The following MBNL2 variants were observed in gnomAD, a reference collection of about 807,000 sequenced individuals.
The protein encoded by MBNL2 is muscleblind like splicing regulator 2.
In MBNL2, 17 loss-of-function variants were observed where a neutral mutation model predicts 41.9. The observed-to-expected ratio is 0.41, with a 90% CI of 0.28 to 0.61. MBNL2 has a LOEUF of 0.61. Among genes scored for constraint, MBNL2 ranks in the 20% least tolerant of loss-of-function variants. MBNL2 has a pLI of 0.35. For synonymous variants in MBNL2, 195 were observed against 182.9 expected (o/e 1.07, Z -0.53); for missense variants, 336 against 505.6 (o/e 0.66, Z 3.22).
chr13:97,314,351 C>A (rs1002036202), intron 2 of MBNL2, among the ~76,000 whole-genome samples: 2 of 152,244 alleles, frequency 1.3e-5, no homozygotes, highest in East Asian at 1.9e-4. Flanking sequence ...TGCACACACA[C>A]TTCCTGTCTC....
chr13:97,331,145 C>T (rs532621817), intron 2 of MBNL2, among the ~76,000 whole-genome samples: 1 of 152,314 alleles, frequency 6.6e-6, no homozygotes, highest in East Asian at 1.9e-4. Context: ...AATGAAATAT[C>T]ATATAGAAAC....
chr13:97,342,982 T>C lies in MBNL2; in HGVS notation c.340-34T>C, dbSNP rs770939396. ...TAATTTTTTAAAGTTTTATTCTAAA[T>C]AACTCTTTCTCCTGTGTTGTCTTCC... On this transcript the variant is annotated intron_variant, in intron 3 of 8. Coordinates refer to ENST00000679496, the MANE Select transcript of MBNL2 (RefSeq NM_001382683.1). 5.2e-6 allele frequency: 7 copies of C among 1,351,970 alleles called. No homozygotes were observed. In the South Asian group the frequency reaches 8.4e-5, roughly 16 times the overall value. The allele number at this position is 1,351,970 out of a possible 1,614,324, so 83.7% of individuals were successfully genotyped here.
the MBNL2 span, among the ~76,000 whole-genome samples, chr13:97,176,381 G>A: frequency 2.0e-5 from 3 of 152,156 alleles, no homozygotes; most frequent in African/African-American, 7.2e-5. Context: ...GGTCCCAGGG[G>A]TTGGGGCAAA....
At chr13:97,263,711 G>A (rs1487299763) in intron 1 of MBNL2, among the ~76,000 whole-genome samples, 2 of 152,000 alleles carry the variant, frequency 1.3e-5, no homozygotes, top group Non-Finnish European at 2.9e-5. Flanking sequence ...TCTGCCTCCT[G>A]GGTTCAAGTG....
chr13:97,207,212 G>T, the MBNL2 span, among the ~76,000 whole-genome samples: 1 of 152,186 alleles, frequency 6.6e-6, no homozygotes, highest in Non-Finnish European at 1.5e-5. Flanking sequence ...GAGGTTAGGG[G>T]ATAGTCTTAA....
chr13:97,352,997 A>G (rs1467976587), intron 5 of MBNL2, among the ~76,000 whole-genome samples: 1 of 152,198 alleles, frequency 6.6e-6, no homozygotes, highest in Non-Finnish European at 1.5e-5. Flanking sequence ...CAAACAGGTC[A>G]TTTCCCTGCT....
chr13:97,364,284 G>A (rs1210559895), intron 7 of MBNL2, among the ~76,000 whole-genome samples: 1 of 152,148 alleles, frequency 6.6e-6, no homozygotes, highest in Non-Finnish European at 1.5e-5. Context: ...AGTTTTGCCA[G>A]AAATCCCCCT....
chr13:97,212,554 G>A, the MBNL2 span, among the ~76,000 whole-genome samples: 95 of 152,244 alleles, frequency 6.2e-4, no homozygotes, highest in African/African-American at 2.0e-3. Flanking sequence ...GTGAGGTGTC[G>A]CAGTAGAGAA....
intron 8 of MBNL2, among the ~76,000 whole-genome samples, chr13:97,388,484 G>A (rs1420521155): frequency 2.0e-5 from 3 of 152,030 alleles, no homozygotes; most frequent in African/African-American, 4.8e-5. Flanking sequence ...TAGACAAGAG[G>A]TTCCTCTTTC....
chr13:97,389,712 AAAAGAAAGAAAG>A (rs147584909), intron 8 of MBNL2, among the ~76,000 whole-genome samples: 59 of 151,632 alleles, frequency 3.9e-4, no homozygotes, highest in Admixed American at 2.0e-4. Flanking sequence ...TCTCAAAAAA[AAAAGAAAGAAAG>A]AAAGAAAGAA....
At chr13:97,287,966 G>T (rs187078207) in intron 2 of MBNL2, among the ~76,000 whole-genome samples, 3 of 143,990 alleles carry the variant, frequency 2.1e-5, no homozygotes, top group Admixed American at 7.0e-5. Context: ...TAGAGATGGG[G>T]TTTCACGATG....
chr13:97,261,862 G>A (rs571240151), intron 1 of MBNL2, among the ~76,000 whole-genome samples: 4 of 152,156 alleles, frequency 2.6e-5, no homozygotes, highest in African/African-American at 4.8e-5. Context: ...TGAGTGTCTC[G>A]TTTCCTCGCT....
chr13:97,284,957 T>C (rs2054126566), intron 2 of MBNL2, among the ~76,000 whole-genome samples: 2 of 152,288 alleles, frequency 1.3e-5, no homozygotes, highest in South Asian at 4.1e-4. Flanking sequence ...GCAGTGATGC[T>C]AACTTTTGTT....
chr13:97,150,894 C>T, the MBNL2 span, among the ~76,000 whole-genome samples: 1 of 152,170 alleles, frequency 6.6e-6, no homozygotes, highest in Admixed American at 6.5e-5. Context: ...TATTTCTGAA[C>T]TATTCAGGAC....
intron 2 of MBNL2, among the ~76,000 whole-genome samples, chr13:97,286,578 C>T (rs1275676529): frequency 3.9e-5 from 6 of 152,314 alleles, no homozygotes; most frequent in Admixed American, 3.3e-4. Flanking sequence ...CCAGTAGTTT[C>T]CATTTCATTT....
At chr13:97,155,866 T>A in the MBNL2 span, among the ~76,000 whole-genome samples, 11 of 146,326 alleles carry the variant, frequency 7.5e-5, no homozygotes, top group Non-Finnish European at 1.4e-4. Flanking sequence ...TACGTGTGCA[T>A]GTGTCTTTAT....
chr13:97,304,599 A>G (rs1300388401), intron 2 of MBNL2, among the ~76,000 whole-genome samples: 1 of 152,176 alleles, frequency 6.6e-6, no homozygotes, highest in Admixed American at 6.5e-5. Flanking sequence ...TGGATCCCAG[A>G]TCTGTCATTT....
At chr13:97,147,278 G>A in the MBNL2 span, among the ~76,000 whole-genome samples, 5 of 152,096 alleles carry the variant, frequency 3.3e-5, no homozygotes, top group East Asian at 1.9e-4. Flanking sequence ...TTTCTCTGTC[G>A]ATTGGTGAGA....
chr13:97,378,092 A>G (rs996235912), intron 8 of MBNL2, among the ~76,000 whole-genome samples: 2 of 145,950 alleles, frequency 1.4e-5, no homozygotes, highest in African/African-American at 5.5e-5. Context: ...CCTTTTCAAC[A>G]TATTCACATT....
Sources: gnomAD v4.1 joint callset for allele counts (sites outside exome capture counted in the v4.1 genomes callset) on GRCh38, gnomAD v4.1.1 for gene constraint, MANE v1.5 for transcripts, NCBI Gene and HGNC (gene_info 2026-07-23, HGNC 2026-07-21) for gene names.